The following IL1RL1 variants were observed in gnomAD, a reference collection of about 807,000 sequenced individuals.
The protein encoded by IL1RL1 is interleukin-1 receptor-like 1.
A neutral mutation model predicts 50.9 loss-of-function variants in IL1RL1; 32 were observed. That is an observed-to-expected ratio of 0.63 (90% CI 0.47 to 0.84). The LOEUF (loss-of-function observed/expected upper bound fraction) is 0.84, where lower values mean the gene tolerates loss of function less well. Ranked by LOEUF, IL1RL1 falls within the 40% of genes least tolerant of loss-of-function variation. The pLI is 0.00. For synonymous variants in IL1RL1, 275 were observed against 236.0 expected, an observed-to-expected ratio of 1.17 and a Z score of -1.51; for missense variants, 773 against 662.9, an observed-to-expected ratio of 1.17 and a Z score of -1.82.
chr2:102,350,764 C>A (rs1439917199), intron 10 of IL1RL1, among the ~76,000 whole-genome samples: 1 of 85,080 alleles, frequency 1.2e-5, no homozygotes, highest in Non-Finnish European at 2.4e-5. Flanking sequence ...TCTGGAGCAG[C>A]TGTGCTTCTC....
At chr2:102,329,622 T>G (rs75392560) in intron 1 of IL1RL1, among the ~76,000 whole-genome samples, 72,776 of 151,876 alleles carry the variant, frequency 0.48, 17,700 homozygotes, top group Middle Eastern at 0.64. Flanking sequence ...AATCTACAAT[T>G]AACTCAAACA....
chr2:102,328,625 G>A (rs1480455075), intron 1 of IL1RL1, among the ~76,000 whole-genome samples: 1 of 152,162 alleles, frequency 6.6e-6, no homozygotes, highest in Admixed American at 6.5e-5. Flanking sequence ...TCCTTAAGCT[G>A]ATAGGCAACT....
chr2:102,311,973 T>A (rs1340750342), intron 1 of IL1RL1, among the ~76,000 whole-genome samples: 2 of 15,432 alleles, frequency 1.3e-4, no homozygotes, highest in Non-Finnish European at 2.1e-4. Flanking sequence ...TATATAATAT[T>A]ATATATAATA....
chr2:102,328,540 C>A (rs957595847), intron 1 of IL1RL1, among the ~76,000 whole-genome samples: 1 of 152,058 alleles, frequency 6.6e-6, no homozygotes, highest in Non-Finnish European at 1.5e-5. Flanking sequence ...AAAGGGTATT[C>A]AATTAGGAAA....
At position 102,351,927 on chromosome 2, in the gene IL1RL1, G is replaced by C. The variant is rs1372561266; in HGVS notation, c.*6G>C. The C allele has an allele frequency of 6.3e-7, 1 of 1,597,790 alleles. No individual in the cohort carries two copies. The highest frequency in any genetic ancestry group is 1.1e-5 in the South Asian group (1 of 88,388). ...TGGCTGCCCAGAAGCAATAGTGCCTGCTGTGATGTGCAAAGGCATCTGAGT... is the reference window on the plus strand; with the variant it reads ...TGGCTGCCCAGAAGCAATAGTGCCTCCTGTGATGTGCAAAGGCATCTGAGT... On this transcript the variant is annotated 3_prime_UTR_variant, in exon 11 of 11. Transcript: ENST00000233954.
chr2:102,350,357 C>A (rs1243231748), intron 10 of IL1RL1, among the ~76,000 whole-genome samples: 3 of 152,248 alleles, frequency 2.0e-5, no homozygotes, highest in Non-Finnish European at 4.4e-5. Flanking sequence ...TTCTCCTCAG[C>A]CAAACCCAGA....
chr2:102,351,895 A>C lies in IL1RL1; in HGVS notation c.1645A>C (p.Thr549Pro), dbSNP rs568852029. The change falls in exon 11 of 11, where the codon ACT (threonine) becomes CCT (proline). Residue 549 changes from threonine to proline, a missense_variant. Transcript: ENST00000233954. ...AATTCCCAGAAAGGCCTCTAGTTTG[A>C]CTCCCTTGGCTGCCCAGAAGCAATA... ...SKIPRKASSL[T>P]PLAAQKQ 1.9e-6 allele frequency: 3 copies of C among 1,612,304 alleles called. No individual in the cohort carries two copies. In the East Asian group the frequency reaches 6.7e-5, roughly 36 times the overall value.
chr2:102,327,090 C>T (rs1036422931), intron 1 of IL1RL1, among the ~76,000 whole-genome samples: 2 of 152,184 alleles, frequency 1.3e-5, no homozygotes, highest in East Asian at 1.9e-4. Flanking sequence ...CCAAAATTGA[C>T]CACATAGTTG....
intron 1 of IL1RL1, chr2:102,312,902 C>T (rs1275094323): frequency 6.6e-6 from 1 of 152,104 alleles, no homozygotes; most frequent in Non-Finnish European, 1.5e-5. Context: ...CCTTTAATTT[C>T]TTCCAGGCAT....
intron 1 of IL1RL1, among the ~76,000 whole-genome samples, chr2:102,331,087 T>G (rs1213575419): frequency 6.6e-6 from 1 of 152,212 alleles, no homozygotes; most frequent in African/African-American, 2.4e-5. Flanking sequence ...TCTCTCTTCT[T>G]TGATCAACAT....
chr2:102,315,286 C>T (rs1240730778), intron 1 of IL1RL1, among the ~76,000 whole-genome samples: 4 of 147,956 alleles, frequency 2.7e-5, no homozygotes, highest in Non-Finnish European at 1.5e-5. Context: ...TCCCCACTCT[C>T]CCTGTCTACC....
intron 1 of IL1RL1, among the ~76,000 whole-genome samples, chr2:102,323,375 T>C (rs969098058): frequency 1.3e-5 from 2 of 151,926 alleles, no homozygotes; most frequent in Non-Finnish European, 2.9e-5. Context: ...TTTTGATACA[T>C]GTATACTCCA....
chr2:102,340,579 TC>T, intron 4 of IL1RL1, 86 bp from the exon 5 acceptor site: 1 of 1,400,878 alleles, frequency 7.1e-7, no homozygotes, highest in Non-Finnish European at 9.8e-7. Flanking sequence ...CACCACTCAC[TC>T]CAGCCTAGGC....
chr2:102,327,603 G>A lies in IL1RL1; in HGVS notation c.-149-10513G>A, dbSNP rs1379296394. 2.7e-4 allele frequency among the ~76,000 whole-genome samples: 41 copies of A among 152,098 alleles called. No homozygotes were observed. In the Middle Eastern group the frequency reaches 0.01, roughly 38 times the overall value. ...AAAAGATCAACAAAATTGATAGACC[G>A]CTAGCAAGACTAATAAAGAAGAAAA... On this transcript the variant is annotated intron_variant, in intron 1 of 10. Transcript: ENST00000233954.
At chr2:102,336,488 C>G (rs995093739) in intron 1 of IL1RL1, among the ~76,000 whole-genome samples, 2 of 152,172 alleles carry the variant, frequency 1.3e-5, no homozygotes, top group African/African-American at 4.8e-5. Flanking sequence ...GATGTGATGA[C>G]TTATAAACGT....
chr2:102,311,901 ATATGTTATATATTTTAT>A lies in IL1RL1; in HGVS notation c.-150+282_-150+298del, dbSNP rs1559591938. 5.4e-5 allele frequency among the ~76,000 whole-genome samples: 3 copies of A among 55,798 alleles called. No homozygotes were observed. The East Asian group carries it at 1.4e-3, about 25-fold the overall frequency. 36.6% of individuals were successfully genotyped at this position (55,798 alleles called of 152,430 possible). ...TATAATATAATATATAATATATCAT[ATATGTTATATATTTTAT>A]TATATAATATATATTATATATAATA... On this transcript the variant is annotated intron_variant, in intron 1 of 10. Transcript: ENST00000233954.
At chr2:102,324,638 G>C (rs190194791) in intron 1 of IL1RL1, among the ~76,000 whole-genome samples, 1 of 152,166 alleles carries the variant, frequency 6.6e-6, no homozygotes, top group Non-Finnish European at 1.5e-5. Flanking sequence ...CTGGAAAATC[G>C]GGTCACTCCC....
intron 1 of IL1RL1, among the ~76,000 whole-genome samples, chr2:102,324,013 C>CTTTTTTT (rs33934744): frequency 7.2e-6 from 1 of 138,254 alleles, no homozygotes. Context: ...ATCAGTAGTT[C>CTTTTTTT]TTTTTTTTTT....
At chr2:102,346,706 C>G (rs759750993) in intron 8 of IL1RL1, among the ~76,000 whole-genome samples, 7 of 152,180 alleles carry the variant, frequency 4.6e-5, no homozygotes, top group Non-Finnish European at 1.0e-4. Flanking sequence ...AGCTCTTTGT[C>G]AATTTTCACT....
Sources: gnomAD v4.1 joint callset for allele counts (sites outside exome capture counted in the v4.1 genomes callset) on GRCh38, gnomAD v4.1.1 for gene constraint, MANE v1.5 for transcripts, NCBI Gene and HGNC (gene_info 2026-07-23, HGNC 2026-07-21) for gene names.